DPP9: variants seen among roughly 807,000 people sequenced by gnomAD.
DPP9 encodes dipeptidyl peptidase IV-related protein-2.
Under a neutral mutation model 110.7 loss-of-function variants are expected in DPP9, and 50 were observed. The ratio of observed to expected loss-of-function variants is 0.45; its 90% CI spans 0.36 to 0.57. DPP9 has a LOEUF of 0.57. Among genes scored for constraint, DPP9 ranks in the 20% least tolerant of loss-of-function variants. The pLI is 0.00. For missense variants in DPP9, 1,022 were observed against 1,217.9 expected, an observed-to-expected ratio of 0.84 and a Z score of 2.39; for synonymous variants, 561 against 514.4, an observed-to-expected ratio of 1.09 and a Z score of -1.23.
At chr19:4,683,862 G>A (rs536050238) in intron 18 of DPP9, 50 of 1,505,060 alleles carry the variant, frequency 3.3e-5, no homozygotes, top group Admixed American at 3.0e-4. Context: ...TGGGAGCCAC[G>A]TCCCCTCTGA....
In DPP9 at chr19:4,700,166, C is replaced by T; in HGVS notation, c.1074+50G>A. On this transcript the variant is annotated intron_variant, in intron 10 of 21. Coordinates refer to ENST00000262960, the MANE Select transcript of DPP9 (RefSeq NM_139159.5). The surrounding 1 kb of genome is among the most constrained non-coding windows in gnomAD (Gnocchi z 4.3). ...CATCCACCCAGCTGCCTACCCGGCC[C>T]TTCCCCGCATCATCTAGTAGATTAT... The T allele has an allele frequency of 6.9e-7, 1 of 1,446,864 alleles. No individual in the cohort carries two copies. The highest frequency in any genetic ancestry group is 9.3e-7 in the Non-Finnish European group (1 of 1,070,040). The allele number at this position is 1,446,864 out of a possible 1,614,324, so 89.6% of individuals were successfully genotyped here.
intron 11 of DPP9, among the ~76,000 whole-genome samples, chr19:4,697,178 C>T (rs1397372445): frequency 6.6e-6 from 1 of 152,046 alleles, no homozygotes; most frequent in Non-Finnish European, 1.5e-5. Flanking sequence ...GAGTTCTCTC[C>T]TCGACATGGG....
rs573524662 is a variant in DPP9, at chr19:4,713,901, G to A, written c.313+180C>T. Among the ~76,000 whole-genome samples, 179 of 150,280 alleles carry A rather than the reference G, an allele frequency of 1.2e-3. 2 individuals are homozygous for A. The highest frequency in any genetic ancestry group is 4.2e-3 in the African/African-American group (173 of 41,258). ...CTCCGGGGGCCGCCCCACCCACCCCGCGGCAGCCCTTCCCTGTAGTCAGAG... is the reference window on the plus strand; with the variant it reads ...CTCCGGGGGCCGCCCCACCCACCCCACGGCAGCCCTTCCCTGTAGTCAGAG... On this transcript the variant is annotated intron_variant, in intron 4 of 21. Transcript: ENST00000262960.
chr19:4,713,435 A>C (rs933710499), intron 4 of DPP9, among the ~76,000 whole-genome samples: 2 of 152,354 alleles, frequency 1.3e-5, no homozygotes, highest in Admixed American at 6.5e-5. Context: ...AGAGGAGCCC[A>C]GTCCCGTGAG....
Position 4,705,985 on chromosome 19 carries a change from G to A in DPP9, c.314-15C>T, listed in dbSNP as rs762553223. On this transcript the variant is annotated splice_polypyrimidine_tract_variant and intron_variant, in intron 4 of 21. Transcript: ENST00000262960. ...ATATGGCATTCCTAAAGGGAGAAAGGAAACACCCAGAACGGGTACCCTGGC... is the reference window on the plus strand; with the variant it reads ...ATATGGCATTCCTAAAGGGAGAAAGAAAACACCCAGAACGGGTACCCTGGC... The A allele has an allele frequency of 6.2e-7, 1 of 1,609,764 alleles. No homozygotes were observed. The highest frequency in any genetic ancestry group is 8.5e-7 in the Non-Finnish European group (1 of 1,176,804).
chr19:4,697,594 C>A lies in DPP9; in HGVS notation c.1132G>T (p.Val378Leu). The A allele has an allele frequency of 6.2e-7, 1 of 1,613,944 alleles. No homozygotes were observed. The highest frequency in any genetic ancestry group is 1.1e-5 in the South Asian group (1 of 91,092). ...VQPFSSLFPK[V>L]EYIARAGWTR... ...CACCCGGCCCTGGCGATGTACTCCA[C>A]CTTCGGGAACAGCGAGCTGAAGGGC... The change falls in exon 11 of 22, where the codon GTG becomes TTG. Residue 378 changes from valine to leucine, a missense_variant. Val to Leu is a conservative substitution (Grantham distance 32). Coordinates refer to ENST00000262960, the MANE Select transcript of DPP9 (RefSeq NM_139159.5).
chr19:4,714,411 C>G lies in DPP9; in HGVS notation c.57-74G>C, dbSNP rs997923932. 7.7e-6 allele frequency: 11 copies of G among 1,434,634 alleles called. No individual in the cohort carries two copies. The African/African-American group carries it at 1.1e-4, about 15-fold the overall frequency. The allele number at this position is 1,434,634 out of a possible 1,614,324, so 88.9% of individuals were successfully genotyped here. A position where few individuals can be genotyped will look rare whatever the true frequency, so the allele number is the denominator to read the frequency against. On this transcript the variant is annotated intron_variant, in intron 3 of 21. Coordinates refer to ENST00000262960, the MANE Select transcript of DPP9 (RefSeq NM_139159.5). ...CGAGCTGCCCCAATGCTGCCCCTTGCGAGGCACTCAGGTTCTTCCAGACGA... is the reference window on the plus strand; with the variant it reads ...CGAGCTGCCCCAATGCTGCCCCTTGGGAGGCACTCAGGTTCTTCCAGACGA...
At chr19:4,686,467 G>A (rs369982162) in intron 16 of DPP9, among the ~76,000 whole-genome samples, 46 of 151,954 alleles carry the variant, frequency 3.0e-4, no homozygotes, top group Non-Finnish European at 5.6e-4. Context: ...TTACAGGTGC[G>A]CGCCACCACA....
chr19:4,703,941 C>T lies in DPP9; in HGVS notation c.714G>A (p.Leu238=). The part of the protein sequence containing the change: ...AFFSFINNSD[L]WVANIETGEE... ...CGCCTGTCTCGATGTTGGCCACCCA[C>T]AGGTCGCTGTTATTGATGAAGGAGA... Residue 238 remains leucine (L), a synonymous_variant, in exon 7 of 22, where the codon CTG becomes CTA. Coordinates refer to ENST00000262960, the MANE Select transcript of DPP9 (RefSeq NM_139159.5). 6.2e-7 allele frequency: 1 copy of T among 1,613,550 alleles called. No individual in the cohort carries two copies. Among genetic ancestry groups the T allele is most frequent in the Non-Finnish European group, 8.5e-7 (1 of 1,179,712 alleles).
intron 13 of DPP9, among the ~76,000 whole-genome samples, chr19:4,691,689 TTTTTG>T (rs1483423737): frequency 4.0e-5 from 6 of 148,538 alleles, no homozygotes; most frequent in Non-Finnish European, 9.0e-5. Flanking sequence ...TTTTTTTTTT[TTTTTG>T]AAGACGGAGT....
rs1283029106 is a variant in DPP9 at position 4,719,946 on chromosome 19, G to A, written c.-35-5C>T. 9 of 1,550,898 alleles carry A rather than the reference G, an allele frequency of 5.8e-6. No homozygotes were observed. The highest frequency in any genetic ancestry group is 2.0e-5 in the Admixed American group (1 of 50,990). Reference sequence around the variant, plus strand: ...ACCTCAGGAGGGCAGGGGTGCCTGCGGGCAAGTGGGAGGAGAGATCAAAGG... The same window carrying A: ...ACCTCAGGAGGGCAGGGGTGCCTGCAGGCAAGTGGGAGGAGAGATCAAAGG... On this transcript the variant is annotated splice_region_variant and splice_polypyrimidine_tract_variant and intron_variant, in intron 2 of 21. Transcript: ENST00000262960.
rs749043945 is a variant in DPP9, at chr19:4,704,155, G to A, written c.576C>T (p.Arg192=). The stretch of plus-strand genomic sequence containing the variant: ...CCATGAAGCCGTTCTTGCCGCCGTC[G>A]CGGCAGTGGAAGAGGCTGTTGCTGG... The part of the protein sequence containing the change: ...FQASNSLFHC[R]DGGKNGFMVS... Residue 192 remains arginine (R), a synonymous_variant, in exon 6 of 22, where the codon CGC becomes CGT. Transcript: ENST00000262960. The surrounding 1 kb of genome is among the most constrained non-coding windows in gnomAD (Gnocchi z 6.0). 1.1e-5 allele frequency: 18 copies of A among 1,613,878 alleles called. No homozygotes were observed. The highest frequency in any genetic ancestry group is 2.2e-5 in the East Asian group (1 of 44,896).
chr19:4,713,187 G>A (rs1012544452), intron 4 of DPP9, among the ~76,000 whole-genome samples: 52 of 152,372 alleles, frequency 3.4e-4, no homozygotes, highest in African/African-American at 1.2e-3. Flanking sequence ...CAATGTCCAT[G>A]GTGCCAAGCG....
At chr19:4,683,707 T>C in intron 18 of DPP9, 78 bp from the exon 19 acceptor site, 1 of 1,612,182 alleles carries the variant, frequency 6.2e-7, no homozygotes, top group South Asian at 1.1e-5. Context: ...TCTGCTCCTT[T>C]CAGGGCGTCT....
At chr19:4,688,348 A>C in intron 16 of DPP9, 2 of 176,726 alleles carry the variant, frequency 1.1e-5, no homozygotes, top group Non-Finnish European at 2.4e-5. Context: ...CGTGCAAGCA[A>C]TCCTCCTGCC....
intron 14 of DPP9, among the ~76,000 whole-genome samples, chr19:4,690,145 A>T (rs968574784): frequency 3.9e-5 from 6 of 152,186 alleles, no homozygotes; most frequent in African/African-American, 9.6e-5. Context: ...GCAGGGCCCT[A>T]CCTTCCTGTG....
chr19:4,677,046 C>T (rs1475959675), intron 21 of DPP9, among the ~76,000 whole-genome samples: 1 of 152,136 alleles, frequency 6.6e-6, no homozygotes, highest in African/African-American at 2.4e-5. Context: ...GCCCTGGTCT[C>T]GAGCCATTTC....
rs773759019 is a variant in DPP9 at position 4,689,461 on chromosome 19, G to A, written c.1749+109C>T. On this transcript the variant is annotated intron_variant, in intron 15 of 21. Coordinates refer to ENST00000262960, the MANE Select transcript of DPP9 (RefSeq NM_139159.5). The surrounding 1 kb of genome is among the most constrained non-coding windows in gnomAD (Gnocchi z 7.0). ...CCTGCCCCAAGGCAGCTATGAGAATGCGAGACCATGAGAATGACCCTGAGT... is the reference window on the plus strand; with the variant it reads ...CCTGCCCCAAGGCAGCTATGAGAATACGAGACCATGAGAATGACCCTGAGT... 31 of 1,381,452 alleles carry A rather than the reference G, an allele frequency of 2.2e-5. No homozygotes were observed. The highest frequency in any genetic ancestry group is 2.7e-5 in the Non-Finnish European group (28 of 1,033,768). The allele number at this position is 1,381,452 out of a possible 1,614,324, so 85.6% of individuals were successfully genotyped here. A position where few individuals can be genotyped will look rare whatever the true frequency, so the allele number is the denominator to read the frequency against.
intron 19 of DPP9, 192 bp downstream of exon 19, chr19:4,683,285 T>G: frequency 7.0e-7 from 1 of 1,436,394 alleles, no homozygotes; most frequent in Non-Finnish European, 9.1e-7. Context: ...CGGTCGGCGG[T>G]GGCGGGCAAT....
Sources: allele counts gnomAD v4.1 joint callset (sites outside exome capture counted in the v4.1 genomes callset), GRCh38; gene constraint gnomAD v4.1.1; non-coding constraint Gnocchi (gnomAD v3.1); transcripts MANE v1.5; gene names NCBI Gene and HGNC (gene_info 2026-07-23, HGNC 2026-07-21).